Variants in CLUL1 observed in about 807,000 individuals in gnomAD.
CLUL1 encodes the protein clusterin like 1, also known as clusterin-like protein 1.
Under a neutral mutation model 49.4 loss-of-function variants are expected in CLUL1, and 43 were observed. The observed-to-expected ratio is 0.87, with a 90% CI of 0.68 to 1.12. The LOEUF is 1.12. CLUL1 is among the 50% of genes most tolerant of loss of function. The pLI is 0.00. For missense variants in CLUL1, 486 were observed against 544.4 expected, an observed-to-expected ratio of 0.89 and a Z score of 1.07; for synonymous variants, 192 against 184.9, an observed-to-expected ratio of 1.04 and a Z score of -0.31.
chr18:613,228 T>G, intron 2 of CLUL1: 1 of 465,126 alleles, frequency 2.1e-6, no homozygotes, highest in Non-Finnish European at 3.8e-6. Context: ...AACCTCTACC[T>G]CCCAGGTTCA....
intron 5 of CLUL1, among the ~76,000 whole-genome samples, chr18:626,435 T>C (rs973076369): frequency 2.6e-5 from 4 of 152,134 alleles, no homozygotes; most frequent in Admixed American, 6.6e-5. Context: ...CCTGTTTCCA[T>C]AGGCAAAGGC....
At chr18:605,255 T>C (rs1567954398) in intron 1 of CLUL1, among the ~76,000 whole-genome samples, 1 of 152,236 alleles carries the variant, frequency 6.6e-6, no homozygotes, top group African/African-American at 2.4e-5. Context: ...CATTCTTGTA[T>C]CATGGCATTC....
intron 7 of CLUL1, among the ~76,000 whole-genome samples, chr18:634,180 G>C (rs1274370744): frequency 1.3e-5 from 2 of 152,100 alleles, no homozygotes; most frequent in Non-Finnish European, 2.9e-5. Context: ...TGTTGCCCAG[G>C]CTGGAGTGGC....
Position 633,305 on chromosome 18 carries a change from C to T in CLUL1, c.864C>T (p.Asp288=), listed in dbSNP as rs762578658. ...ATGTTATGTTCCCTGTAGCTCCTGA[C>T]CACGGAGGCCTGATTTCAAAGATGT... ...EDLPKQDKAP[D]HGGLISKMLP... Residue 288 remains aspartate, a synonymous_variant, in exon 7 of 10, where the codon GAC becomes GAT. Coordinates refer to ENST00000692774, the MANE Select transcript of CLUL1 (RefSeq NM_001393344.1). The T allele has an allele frequency of 3.1e-6, 5 of 1,611,904 alleles. No homozygotes were observed. In the South Asian group the frequency reaches 5.5e-5, roughly 18 times the overall value.
rs137879885 is a variant in CLUL1, at chr18:615,496, C to T, written c.-13-2492C>T. On this transcript the variant is annotated intron_variant, in intron 2 of 9. Coordinates refer to ENST00000692774, the MANE Select transcript of CLUL1 (RefSeq NM_001393344.1). ...CGCAGATGCCAGCCTTGATGTCAAA[C>T]GGGCCCAAACTTGGACAGTGGTAAA... is the stretch of plus-strand genomic sequence containing the variant. Among the ~76,000 whole-genome samples, 148 of 152,292 alleles carry T rather than the reference C, an allele frequency of 9.7e-4. 1 individual carries two copies. The highest frequency in any genetic ancestry group is 8.1e-3 in the East Asian group (42 of 5,182).
intron 5 of CLUL1, among the ~76,000 whole-genome samples, chr18:625,772 A>G (rs768224524): frequency 1.8e-4 from 27 of 152,208 alleles, no homozygotes; most frequent in Non-Finnish European, 3.2e-4. Flanking sequence ...TTCACGCTCC[A>G]TATTAGAGCA....
At position 606,770 on chromosome 18, in the gene CLUL1, A is replaced by C. The variant is rs778217606; in HGVS notation, c.-135-208A>C. ...AACGTAAAACAACAAACATATACAC[A>C]CAAACAAAAATAAACGTGAGATATG... is the stretch of plus-strand genomic sequence containing the variant. On this transcript the variant is annotated intron_variant, in intron 1 of 9. Transcript: ENST00000692774. This position sits in a 1 kb window ranked among gnomAD's most constrained non-coding sequence, Gnocchi z 4.1. Among the ~76,000 whole-genome samples the C allele has an allele frequency of 6.6e-6, 1 of 152,162 alleles. No individual in the cohort carries two copies. The highest frequency in any genetic ancestry group is 1.5e-5 in the Non-Finnish European group (1 of 68,018).
chr18:615,426 AC>A (rs2143982791), intron 2 of CLUL1, among the ~76,000 whole-genome samples: 1 of 152,308 alleles, frequency 6.6e-6, no homozygotes, highest in East Asian at 1.9e-4. Flanking sequence ...CTTCCTGAAA[AC>A]TGGTTCCGTT....
At chr18:630,361 G>A (rs145932481) in intron 6 of CLUL1, among the ~76,000 whole-genome samples, 13,883 of 152,056 alleles carry the variant, frequency 0.091, 782 homozygotes, top group East Asian at 0.27. Context: ...CGCCCACCTC[G>A]GCCTCCCAAA....
At chr18:600,205 T>C (rs906315216) in intron 1 of CLUL1, among the ~76,000 whole-genome samples, 2 of 151,610 alleles carry the variant, frequency 1.3e-5, no homozygotes, top group African/African-American at 2.4e-5. Flanking sequence ...TGCCTTTTTT[T>C]CCCTAAAATC....
chr18:607,246 G>C lies in CLUL1; in HGVS notation c.-14+147G>C, dbSNP rs540371661. On this transcript the variant is annotated intron_variant, in intron 2 of 9. Coordinates refer to ENST00000692774, the MANE Select transcript of CLUL1 (RefSeq NM_001393344.1). Reference sequence around the variant, plus strand: ...AGATTTAAGGGTTTCTCTTGCCTCAGCCTCCCTACTAGCTGGGATTACAGG... The same window carrying C: ...AGATTTAAGGGTTTCTCTTGCCTCACCCTCCCTACTAGCTGGGATTACAGG... The C allele has an allele frequency of 5.2e-4, 305 of 587,404 alleles. 2 individuals carry two copies. The highest frequency in any genetic ancestry group is 1.3e-3 in the Admixed American group (53 of 41,176). 36.4% of individuals were successfully genotyped at this position (587,404 alleles called of 1,614,324 possible). A position where few individuals can be genotyped will look rare whatever the true frequency, so the allele number is the denominator to read the frequency against.
chr18:638,053 G>A (rs1050259107), intron 7 of CLUL1, among the ~76,000 whole-genome samples: 1 of 152,044 alleles, frequency 6.6e-6, no homozygotes, highest in African/African-American at 2.4e-5. Context: ...CTGACTCGAG[G>A]ACTCTCTCAG....
chr18:625,048 A>G lies in CLUL1; in HGVS notation c.423+16A>G. ...GAAAAATAAGGTAAGAGAAAAAGAG[A>G]GCTCAAGATTTCACAGTTCTTGAGG... On this transcript the variant is annotated intron_variant, in intron 5 of 9. Transcript: ENST00000692774. 4 of 1,612,532 alleles carry G rather than the reference A, an allele frequency of 2.5e-6. No individual in the cohort carries two copies. Among genetic ancestry groups the G allele is most frequent in the Non-Finnish European group, 3.4e-6 (4 of 1,179,324 alleles).
At chr18:611,334 G>A (rs2073128861) in intron 2 of CLUL1, among the ~76,000 whole-genome samples, 1 of 151,036 alleles carries the variant, frequency 6.6e-6, no homozygotes, top group East Asian at 1.9e-4. Flanking sequence ...GATTGGGATG[G>A]ATAAAATAAA....
intron 2 of CLUL1, among the ~76,000 whole-genome samples, chr18:616,985 AT>A (rs1039660672): frequency 6.6e-6 from 1 of 152,236 alleles, no homozygotes; most frequent in African/African-American, 2.4e-5. Context: ...GCAGATAAAT[AT>A]CCCCTTTGTG....
At chr18:605,249 C>G (rs929254623) in intron 1 of CLUL1, among the ~76,000 whole-genome samples, 8 of 152,200 alleles carry the variant, frequency 5.3e-5, no homozygotes, top group African/African-American at 1.9e-4. Flanking sequence ...ATTAAGCATT[C>G]TTGTATCATG....
At chr18:623,544 C>T (rs1183595958) in intron 4 of CLUL1, among the ~76,000 whole-genome samples, 1 of 148,220 alleles carries the variant, frequency 6.7e-6, no homozygotes, top group Admixed American at 6.9e-5. Context: ...ACTGGGGAGG[C>T]TGAGGCAGGA....
chr18:623,259 C>T (rs2073559848), intron 4 of CLUL1, among the ~76,000 whole-genome samples: 1 of 152,138 alleles, frequency 6.6e-6, no homozygotes, highest in Non-Finnish European at 1.5e-5. Flanking sequence ...TCTCAAACTC[C>T]TGACATCAGG....
intron 2 of CLUL1, among the ~76,000 whole-genome samples, chr18:609,520 C>T (rs1381354302): frequency 6.6e-6 from 1 of 151,962 alleles, no homozygotes; most frequent in Non-Finnish European, 1.5e-5. Flanking sequence ...ACTTGTCTCT[C>T]TGTGCTTAAA....
Sources: gnomAD v4.1 joint callset for allele counts (sites outside exome capture counted in the v4.1 genomes callset) on GRCh38, gnomAD v4.1.1 for gene constraint, Gnocchi (gnomAD v3.1) non-coding constraint, MANE v1.5 for transcripts, NCBI Gene and HGNC (gene_info 2026-07-23, HGNC 2026-07-21) for gene names.